The following RARB variants were observed in gnomAD, a reference collection of about 807,000 sequenced individuals.
RARB encodes retinoic acid receptor beta.
In RARB, 17 loss-of-function variants were observed where a neutral mutation model predicts 51.9. The observed-to-expected ratio is 0.33, with a 90% CI of 0.22 to 0.49. The LOEUF (loss-of-function observed/expected upper bound fraction) is 0.49, where lower values mean the gene tolerates loss of function less well. Among genes scored for constraint, RARB ranks in the 20% least tolerant of loss-of-function variants. The pLI, the probability that RARB is intolerant of heterozygous loss-of-function variation, is 0.99. For synonymous variants in RARB, 215 were observed against 195.4 expected, an observed-to-expected ratio of 1.10 and a Z score of -0.84; for missense variants, 369 against 550.8, an observed-to-expected ratio of 0.67 and a Z score of 3.30.
At chr3:25,314,046 G>T (rs1452813857) in intron 5 of RARB, among the ~76,000 whole-genome samples, 6 of 151,950 alleles carry the variant, frequency 3.9e-5, no homozygotes, top group African/African-American at 1.2e-4. Flanking sequence ...ACTCCAGCCT[G>T]GGTGACAGAG....
At position 25,127,326 on chromosome 3, in the gene RARB, A is replaced by T. The variant is rs551341842; in HGVS notation, c.-327-4835A>T. 2.0e-3 allele frequency among the ~76,000 whole-genome samples: 310 copies of T among 152,154 alleles called. 1 individual carries two copies. Among genetic ancestry groups the T allele is most frequent in the African/African-American group, 7.3e-3 (302 of 41,526 alleles). On this transcript the variant is annotated intron_variant, in intron 3 of 11. Transcript: ENST00000383772. ...TGCCACGGCCCACCAGCCTTCTATC[A>T]ACTCCTTGAACTCAGCAGGCCACGC... is the stretch of plus-strand genomic sequence containing the variant.
chr3:24,967,657 C>G (rs1451746822), intron 2 of RARB, among the ~76,000 whole-genome samples: 2 of 152,096 alleles, frequency 1.3e-5, no homozygotes, highest in African/African-American at 4.8e-5. Context: ...AGAAGGCATT[C>G]ACAGTTTGCT....
chr3:25,413,446 A>G (rs1405777741), intron 5 of RARB, among the ~76,000 whole-genome samples: 1 of 152,100 alleles, frequency 6.6e-6, no homozygotes, highest in Non-Finnish European at 1.5e-5. Flanking sequence ...TTTTTTGTAT[A>G]TGCCTTTTAC....
chr3:24,918,604 T>C (rs1226341907), intron 2 of RARB, among the ~76,000 whole-genome samples: 1 of 152,212 alleles, frequency 6.6e-6, no homozygotes, highest in Non-Finnish European at 1.5e-5. Context: ...AGACTAGGGC[T>C]GGGCACAGTG....
At chr3:25,174,596 C>T (rs1317772889) in intron 5 of RARB, 1 of 1,351,116 alleles carries the variant, frequency 7.4e-7, no homozygotes, top group South Asian at 1.1e-5. Flanking sequence ...CTGGAATTTG[C>T]TCTCTTTTCT....
At chr3:24,835,949 TG>T (rs1237798825) in intron 1 of RARB, among the ~76,000 whole-genome samples, 4 of 152,158 alleles carry the variant, frequency 2.6e-5, no homozygotes, top group Non-Finnish European at 5.9e-5. Context: ...ACGTGGTTAC[TG>T]GGGAAGCCTG....
At chr3:25,167,707 T>C (rs1700581645) in intron 4 of RARB, among the ~76,000 whole-genome samples, 1 of 152,226 alleles carries the variant, frequency 6.6e-6, no homozygotes, top group South Asian at 2.1e-4. Flanking sequence ...TCAGAGGGGT[T>C]ACTGAGTTCT....
At chr3:25,508,739 C>T (rs1373223466) in intron 3 of RARB, among the ~76,000 whole-genome samples, 2 of 152,050 alleles carry the variant, frequency 1.3e-5, no homozygotes, top group African/African-American at 4.8e-5. Context: ...TGCTCTGTGG[C>T]ACACAAATCC....
At chr3:25,565,714 C>A (rs1198192746) in intron 3 of RARB, among the ~76,000 whole-genome samples, 3 of 152,164 alleles carry the variant, frequency 2.0e-5, no homozygotes, top group Non-Finnish European at 2.9e-5. Flanking sequence ...CACAGTAATC[C>A]CCACAAGTCC....
intron 5 of RARB, among the ~76,000 whole-genome samples, chr3:25,299,667 C>G (rs1415886814): frequency 6.6e-6 from 1 of 152,150 alleles, no homozygotes; most frequent in African/African-American, 2.4e-5. Context: ...AATTGGTTTT[C>G]TTTATAATCC....
At chr3:25,456,682 T>TATATATATAGAGAG (rs1491372969) in intron 1 of RARB, among the ~76,000 whole-genome samples, 18 of 88,356 alleles carry the variant, frequency 2.0e-4, no homozygotes, top group East Asian at 3.7e-4. Flanking sequence ...TATATATATA[T>TATATATATAGAGAG]AGAGAGAGAG....
chr3:25,162,498 T>G (rs1204011997), intron 4 of RARB, among the ~76,000 whole-genome samples: 1 of 152,162 alleles, frequency 6.6e-6, no homozygotes, highest in African/African-American at 2.4e-5. Flanking sequence ...ATTCACAAAT[T>G]TGTGCACCAT....
intron 5 of RARB, among the ~76,000 whole-genome samples, chr3:25,223,096 T>C (rs568605764): frequency 6.6e-6 from 1 of 152,326 alleles, no homozygotes; most frequent in Admixed American, 6.5e-5. Flanking sequence ...GATAACTATA[T>C]ATAATCATGT....
At chr3:24,843,314 G>T (rs1378112142) in intron 1 of RARB, among the ~76,000 whole-genome samples, 1 of 152,174 alleles carries the variant, frequency 6.6e-6, no homozygotes, top group African/African-American at 2.4e-5. Flanking sequence ...CCTTAGGGAA[G>T]TAGATAAAAC....
intron 5 of RARB, among the ~76,000 whole-genome samples, chr3:25,204,248 G>A (rs1701471167): frequency 2.0e-5 from 3 of 152,142 alleles, no homozygotes; most frequent in African/African-American, 7.2e-5. Context: ...CATTCATGTA[G>A]TTCTCGTGCC....
chr3:25,281,561 G>C (rs183983816), intron 5 of RARB, among the ~76,000 whole-genome samples: 219 of 152,300 alleles, frequency 1.4e-3, no homozygotes, highest in African/African-American at 4.8e-3. Context: ...AAAGGAAGGG[G>C]CAATAGGATC....
At chr3:25,218,576 C>T (rs1701883060) in intron 5 of RARB, among the ~76,000 whole-genome samples, 1 of 152,090 alleles carries the variant, frequency 6.6e-6, no homozygotes, top group Non-Finnish European at 1.5e-5. Context: ...ACTGGATGAC[C>T]TCTATTTACC....
chr3:25,340,112 A>G (rs1705185980), intron 5 of RARB, among the ~76,000 whole-genome samples: 1 of 152,170 alleles, frequency 6.6e-6, no homozygotes, highest in Non-Finnish European at 1.5e-5. Flanking sequence ...CACTGATAGT[A>G]AAATGCAGAG....
chr3:25,573,099 G>A (rs1393244527), intron 4 of RARB, among the ~76,000 whole-genome samples: 1 of 152,070 alleles, frequency 6.6e-6, no homozygotes, highest in Non-Finnish European at 1.5e-5. Context: ...GATACTCTTA[G>A]GTATCCTCTA....
Sources: allele counts gnomAD v4.1 joint callset (sites outside exome capture counted in the v4.1 genomes callset), GRCh38; gene constraint gnomAD v4.1.1; transcripts MANE v1.5; gene names NCBI Gene and HGNC (gene_info 2026-07-23, HGNC 2026-07-21).